The following NLRX1 variants were observed in gnomAD, a reference collection of about 807,000 sequenced individuals.
The protein encoded by NLRX1 is NOD-like receptor X1.
A neutral mutation model predicts 74.2 loss-of-function variants in NLRX1; 67 were observed. The ratio of observed to expected loss-of-function variants is 0.90; its 90% CI spans 0.74 to 1.11. The LOEUF is 1.11. Among genes scored for constraint, NLRX1 ranks in the 50% least tolerant of loss-of-function variants. NLRX1 has a pLI of 0.00. For missense variants in NLRX1, 1,191 were observed against 1,305.4 expected, an observed-to-expected ratio of 0.91 and a Z score of 1.35; for synonymous variants, 506 against 559.1, an observed-to-expected ratio of 0.91 and a Z score of 1.34.
chr11:119,171,444 C>T lies in NLRX1; in HGVS notation c.41C>T (p.Ser14Phe), dbSNP rs1194251703. ...GHHLPRASWG[S>F]GFRRALQRPD... ...CATTTGCCCAGGGCCTCTTGGGGCT[C>T]TGGTTTTAGAAGAGCACTCCAGCGA... is the stretch of plus-strand genomic sequence containing the variant. The change falls in exon 2 of 10, where the codon TCT becomes TTT. Residue 14 changes from serine (S) to phenylalanine (F), a missense_variant. Ser to Phe is a radical substitution (Grantham distance 155). Transcript: ENST00000409109. The T allele has an allele frequency of 6.2e-7, 1 of 1,613,996 alleles. No individual in the cohort carries two copies. Among genetic ancestry groups the T allele is most frequent in the Admixed American group, 1.7e-5 (1 of 60,022 alleles).
intron 2 of NLRX1, 120 bp downstream of exon 2, chr11:119,171,593 C>A: frequency 1.5e-6 from 1 of 669,306 alleles, no homozygotes; most frequent in South Asian, 1.8e-5. Flanking sequence ...CCGTGGTTCT[C>A]TAGCTGTTGA....
At position 119,184,001 on chromosome 11, in the gene NLRX1, G is replaced by A. The variant is rs369780309; in HGVS notation, c.*562G>A. On this transcript the variant is annotated 3_prime_UTR_variant, in exon 10 of 10. Transcript: ENST00000409109. The stretch of plus-strand genomic sequence containing the variant: ...CCTGACTTGCTGCTATTAAAAAGCC[G>A]TGTGCCTTCTACCAATTGTGGCCTC... 70 of 738,178 alleles carry A rather than the reference G, an allele frequency of 9.5e-5. No homozygotes were observed. The highest frequency in any genetic ancestry group is 1.6e-4 in the Non-Finnish European group (63 of 393,736). 45.7% of individuals were successfully genotyped at this position (738,178 alleles called of 1,614,324 possible). A position where few individuals can be genotyped will look rare whatever the true frequency, so the allele number is the denominator to read the frequency against.
intron 1 of NLRX1, among the ~76,000 whole-genome samples, chr11:119,170,085 G>A (rs148075475): frequency 1.3e-4 from 20 of 149,690 alleles, no homozygotes; most frequent in Admixed American, 2.0e-4. Flanking sequence ...TGGGAAGAGT[G>A]TATGAACAAA....
chr11:119,171,795 C>CAA lies in NLRX1; in HGVS notation c.70+332_70+333dup, dbSNP rs199857715. On this transcript the variant is annotated intron_variant, in intron 2 of 9. Transcript: ENST00000409109. ...TGAAACCCTGTCTCTATTAAAACTA[C>CAA]AAAAAAAAAAATTAACCAGGTGTAG... 4.0e-4 allele frequency among the ~76,000 whole-genome samples: 58 copies of CAA among 146,002 alleles called. 1 individual carries two copies. The South Asian group carries it at 0.012, about 30-fold the overall frequency.
intron 3 of NLRX1, among the ~76,000 whole-genome samples, 159 bp downstream of exon 3, chr11:119,172,584 A>T (rs1295704527): frequency 6.6e-6 from 1 of 152,140 alleles, no homozygotes; most frequent in East Asian, 1.9e-4. Flanking sequence ...CCTGAGAGGA[A>T]GTTGGCTTAG....
chr11:119,180,250 C>A lies in NLRX1; in HGVS notation c.2229C>A (p.Arg743=). 6.2e-7 allele frequency: 1 copy of A among 1,601,206 alleles called. No homozygotes were observed. Residue 743 remains arginine (R), a synonymous_variant, in exon 7 of 10, where the codon CGC becomes CGA. Transcript: ENST00000409109. ...ASCQLDPAGL[R]TLLPVFLRAR... ...GCCAGCTAGATCCTGCTGGGCTGCG[C>A]ACACTCCTGCCTGTCTTCCTGCGTG...
chr11:119,183,632 T>A lies in NLRX1; in HGVS notation c.*193T>A, dbSNP rs1948908753. The stretch of plus-strand genomic sequence containing the variant: ...GAGTCTGGAATCTCCAAGTTAAAGA[T>A]GGTGAATCAATGCTTCGGGCTTGGA... On this transcript the variant is annotated 3_prime_UTR_variant, in exon 10 of 10. Transcript: ENST00000409109. The surrounding 1 kb of genome is among the most constrained non-coding windows in gnomAD (Gnocchi z 5.7). 2.8e-6 allele frequency: 2 copies of A among 717,276 alleles called. No homozygotes were observed. Among genetic ancestry groups the A allele is most frequent in the Non-Finnish European group, 2.5e-6 (1 of 396,230 alleles). The allele number at this position is 717,276 out of a possible 1,614,324, so 44.4% of individuals were successfully genotyped here.
At chr11:119,181,744 G>C (rs1008446616) in intron 8 of NLRX1, among the ~76,000 whole-genome samples, 1 of 152,112 alleles carries the variant, frequency 6.6e-6, no homozygotes, top group African/African-American at 2.4e-5. Flanking sequence ...GGAGTCAGAG[G>C]GGAGGGAGAA....
In NLRX1 at chr11:119,174,847, A is replaced by G. The variant is rs1237925787; in HGVS notation, c.1244A>G (p.Asp415Gly). The change falls in exon 6 of 10, where the codon GAC becomes GGC. Residue 415 changes from aspartate to glycine, a missense_variant. Asp to Gly is a moderately conservative substitution (Grantham distance 94). Transcript: ENST00000409109. Reference sequence around the variant, plus strand: ...AGCGGGGAAACCCTGGACAGCACTGACCCCTCCAATTTGTCCCTGATGGCC... The same window carrying G: ...AGCGGGGAAACCCTGGACAGCACTGGCCCCTCCAATTTGTCCCTGATGGCC... ...NFSGETLDST[D>G]PSNLSLMAYA... 1.2e-6 allele frequency: 2 copies of G among 1,613,728 alleles called. No individual in the cohort carries two copies. Among genetic ancestry groups the G allele is most frequent in the African/African-American group, 2.7e-5 (2 of 74,864 alleles).
rs769763698 is a variant in NLRX1, at chr11:119,180,183, G to A, written c.2162G>A (p.Gly721Asp). 1.2e-5 allele frequency: 20 copies of A among 1,612,892 alleles called. No individual in the cohort carries two copies. The Admixed American group carries it at 3.2e-4, about 26-fold the overall frequency. The part of the protein sequence containing the change: ...VKCTVVAAVL[G>D]SGRHALDEVN... ...TGCACAGTGGTGGCAGCTGTGCTGG[G>A]CAGCGGAAGGCATGCCCTGGATGAG... The change falls in exon 7 of 10, where the codon GGC becomes GAC. Residue 721 changes from glycine to aspartate, a missense_variant. Coordinates refer to ENST00000409109, the MANE Select transcript of NLRX1 (RefSeq NM_001282144.2).
chr11:119,182,513 C>G (rs143438420), intron 9 of NLRX1, among the ~76,000 whole-genome samples, 168 bp downstream of exon 9: 223 of 152,310 alleles, frequency 1.5e-3, no homozygotes, highest in African/African-American at 4.9e-3. Flanking sequence ...CAACCCACCC[C>G]CTCTGTGACT....
At position 119,180,243 on chromosome 11, in the gene NLRX1, G is replaced by C. The variant is rs762413604; in HGVS notation, c.2222G>C (p.Gly741Ala). 1 of 1,605,750 alleles carries C rather than the reference G, an allele frequency of 6.2e-7. No homozygotes were observed. ...GCCTCCTGCCAGCTAGATCCTGCTG[G>C]GCTGCGCACACTCCTGCCTGTCTTC... ...NLASCQLDPA[G>A]LRTLLPVFLR... The change falls in exon 7 of 10, where the codon GGG (glycine) becomes GCG (alanine). Residue 741 changes from glycine (G) to alanine (A), a missense_variant. By Grantham distance (60) the Gly-to-Ala change is moderately conservative. Transcript: ENST00000409109.
Position 119,183,058 on chromosome 11 carries a change from C to A in NLRX1, c.2607-60C>A. On this transcript the variant is annotated intron_variant, in intron 9 of 9. Coordinates refer to ENST00000409109, the MANE Select transcript of NLRX1 (RefSeq NM_001282144.2). The surrounding 1 kb of genome is among the most constrained non-coding windows in gnomAD (Gnocchi z 5.7). The stretch of plus-strand genomic sequence containing the variant: ...GGCCCCCTGACTTTCCATCCATCTA[C>A]CCTCGGGCCCTCCTTCTCAGAGCTC... The A allele has an allele frequency of 6.8e-7, 1 of 1,478,070 alleles. No homozygotes were observed. The highest frequency in any genetic ancestry group is 1.3e-5 in the South Asian group (1 of 78,394). The allele number at this position is 1,478,070 out of a possible 1,614,324, so 91.6% of individuals were successfully genotyped here.
At position 119,179,904 on chromosome 11, in the gene NLRX1, G is replaced by A. The variant is rs771002633; in HGVS notation, c.1883G>A (p.Gly628Glu). 5 of 1,611,940 alleles carry A rather than the reference G, an allele frequency of 3.1e-6. No homozygotes were observed. In the East Asian group the frequency reaches 8.9e-5, roughly 29 times the overall value. The change falls in exon 7 of 10, where the codon GGG becomes GAG. Residue 628 changes from glycine to glutamate, a missense_variant. Gly to Glu is a moderately conservative substitution (Grantham distance 98). Coordinates refer to ENST00000409109, the MANE Select transcript of NLRX1 (RefSeq NM_001282144.2). ...TTCGAGCTCTTCCCCATGTTCATGG[G>A]GGGGCTTCTCTCTGCCCACAACCGA... ...EVFELFPMFM[G>E]GLLSAHNRAV...
At chr11:119,182,403 A>G (rs909604952) in intron 9 of NLRX1, 58 bp downstream of exon 9, 35 of 1,572,592 alleles carry the variant, frequency 2.2e-5, no homozygotes, top group South Asian at 1.6e-4. Context: ...CCCTCTCTCA[A>G]CTGTGCTCCT....
chr11:119,177,628 A>C (rs1948731904), intron 6 of NLRX1: 1 of 144,814 alleles, frequency 6.9e-6, no homozygotes, highest in Non-Finnish European at 1.5e-5. Context: ...ACTCTGTCTC[A>C]CAAAAAAAAA....
Position 119,169,300 on chromosome 11 carries a change from C to G in NLRX1, c.-51C>G, listed in dbSNP as rs1184505952. On this transcript the variant is annotated splice_region_variant and 5_prime_UTR_variant, in exon 1 of 10. Transcript: ENST00000409109. ...GCTCTGGACCTGTAGGAACACCGCCCCTGTACGTTTCCTGCAGTGCCCCCT... is the reference window on the plus strand; with the variant it reads ...GCTCTGGACCTGTAGGAACACCGCCGCTGTACGTTTCCTGCAGTGCCCCCT... 6.6e-6 allele frequency: 1 copy of G among 152,524 alleles called. No individual in the cohort carries two copies. The highest frequency in any genetic ancestry group is 1.5e-5 in the Non-Finnish European group (1 of 68,328). The allele number at this position is 152,524 out of a possible 1,614,324, so 9.4% of individuals were successfully genotyped here.
intron 8 of NLRX1, 42 bp downstream of exon 8, chr11:119,181,299 G>C (rs771573393): frequency 1.3e-6 from 2 of 1,490,264 alleles, no homozygotes; most frequent in Non-Finnish European, 1.9e-6. Flanking sequence ...GCCAGCTAAG[G>C]TCAAGGGTGA....
rs1041102933 is a variant in NLRX1 at position 119,182,277 on chromosome 11, T to G, written c.2538T>G (p.Gly846=). ...QLQELNVAYN[G]AGDTAALALA... ...AGGAGCTGAACGTGGCGTACAACGG[T>G]GCTGGTGACACAGCGGCCCTGGCCC... is the stretch of plus-strand genomic sequence containing the variant. The change falls in exon 9 of 10, where the codon GGT becomes GGG. Residue 846 remains glycine, a synonymous_variant. Coordinates refer to ENST00000409109, the MANE Select transcript of NLRX1 (RefSeq NM_001282144.2). The G allele has an allele frequency of 5.6e-6, 9 of 1,613,588 alleles. No homozygotes were observed. Among genetic ancestry groups the G allele is most frequent in the Non-Finnish European group, 7.6e-6 (9 of 1,180,028 alleles).
Sources: allele counts gnomAD v4.1 joint callset (sites outside exome capture counted in the v4.1 genomes callset), GRCh38; gene constraint gnomAD v4.1.1; non-coding constraint Gnocchi (gnomAD v3.1); transcripts MANE v1.5; gene names NCBI Gene and HGNC (gene_info 2026-07-23, HGNC 2026-07-21).